Variants in NUMBL observed in about 807,000 individuals in gnomAD.
The protein encoded by NUMBL is numb-like protein.
A neutral mutation model predicts 48.9 loss-of-function variants in NUMBL; 20 were observed. That is an observed-to-expected ratio of 0.41 (90% CI 0.29 to 0.59). The LOEUF (loss-of-function observed/expected upper bound fraction) is 0.59. Ranked by LOEUF, NUMBL falls within the 20% of genes least tolerant of loss-of-function variation. The pLI is 0.31. For missense variants in NUMBL, 660 were observed against 846.2 expected (o/e 0.78, Z 2.73); for synonymous variants, 340 against 348.7 (o/e 0.98, Z 0.28).
intron 8 of NUMBL, among the ~76,000 whole-genome samples, chr19:40,672,165 C>T (rs2081851719): frequency 6.6e-6 from 1 of 152,218 alleles, no homozygotes. Flanking sequence ...CAGGCATGAG[C>T]CACTGCACTT....
Position 40,677,339 on chromosome 19 carries a change from A to ACCCTTCCTTCTT in NUMBL, c.622_623insAAGAAGGAAGGG (p.Gly207_Val208insGluGluGlyArg). 6.2e-6 allele frequency: 10 copies of ACCCTTCCTTCTT among 1,612,184 alleles called. No individual in the cohort carries two copies. Among genetic ancestry groups the ACCCTTCCTTCTT allele is most frequent in the Non-Finnish European group, 7.6e-6 (9 of 1,179,916 alleles). On this transcript the variant is annotated inframe_insertion, in exon 7 of 10. Transcript: ENST00000252891. ...GCGGCTGGCATCGAAGGCGGCCGTGACCCCACATTCCTTCTCCCGTCGCTG... is the reference window on the plus strand; with the variant it reads ...GCGGCTGGCATCGAAGGCGGCCGTGACCCTTCCTTCTTCCCCACATTCCTTCTCCCGTCGCTG...
rs543463869 is a variant in NUMBL at position 40,667,736 on chromosome 19, C to A, written c.1562G>T (p.Cys521Phe). The change falls in exon 10 of 10, where the codon TGC becomes TTC. Residue 521 changes from cysteine (C) to phenylalanine (F), a missense_variant. Physicochemically the swap from Cys to Phe is radical, Grantham distance 205. Transcript: ENST00000252891. This position sits in a 1 kb window ranked among gnomAD's most constrained non-coding sequence, Gnocchi z 6.1. ...TPSQMVANAF[C>F]SAAQLQPQPA... The stretch of plus-strand genomic sequence containing the variant: ...CTGAGGCTGGAGCTGGGCGGCTGAG[C>A]AGAAGGCGTTTGCCACCATCTGTGA... 27 of 1,577,034 alleles carry A rather than the reference C, an allele frequency of 1.7e-5. No homozygotes were observed. The highest frequency in any genetic ancestry group is 2.2e-5 in the Non-Finnish European group (26 of 1,162,270).
intron 5 of NUMBL, among the ~76,000 whole-genome samples, 153 bp from the exon 6 acceptor site, chr19:40,681,210 C>T (rs1374706448): frequency 2.0e-5 from 3 of 152,130 alleles, no homozygotes; most frequent in African/African-American, 7.2e-5. Context: ...AGAGGGCTCC[C>T]AGGTCAGCGG....
At chr19:40,675,303 G>A (rs547801094) in intron 7 of NUMBL, among the ~76,000 whole-genome samples, 5 of 151,808 alleles carry the variant, frequency 3.3e-5, no homozygotes, top group East Asian at 1.9e-4. Context: ...CCTGGGTGAC[G>A]GAGAGAGACT....
intron 8 of NUMBL, among the ~76,000 whole-genome samples, chr19:40,670,612 A>T (rs2081842477): frequency 6.6e-6 from 1 of 152,242 alleles, no homozygotes; most frequent in African/African-American, 2.4e-5. Context: ...GTGGTGTGTG[A>T]CACATGTCTG....
At chr19:40,676,763 G>GGTGC (rs1437686218) in intron 7 of NUMBL, among the ~76,000 whole-genome samples, 1 of 151,714 alleles carries the variant, frequency 6.6e-6, no homozygotes, top group Non-Finnish European at 1.5e-5. Context: ...TAAACCACTT[G>GGTGC]GTGCGCCCTT....
intron 8 of NUMBL, among the ~76,000 whole-genome samples, chr19:40,670,474 C>A (rs2081841406): frequency 6.6e-6 from 1 of 152,018 alleles, no homozygotes; most frequent in African/African-American, 2.4e-5. Context: ...TGATCTATGG[C>A]AAACATCATG....
rs1188525994 is a variant in NUMBL at position 40,677,436 on chromosome 19, T to C, written c.541-15A>G. The stretch of plus-strand genomic sequence containing the variant: ...AGCCTCTCGCCCTATGGGGAGAGGA[T>C]GGGCGGGGGGGTTAGAGGCGCTGGG... On this transcript the variant is annotated splice_polypyrimidine_tract_variant and intron_variant, in intron 6 of 9. Transcript: ENST00000252891. The C allele has an allele frequency of 1.2e-5, 19 of 1,602,610 alleles. No homozygotes were observed. The highest frequency in any genetic ancestry group is 1.6e-5 in the Non-Finnish European group (19 of 1,177,990).
At chr19:40,685,896 G>A (rs1451034628) in intron 2 of NUMBL, 1 of 153,086 alleles carries the variant, frequency 6.5e-6, no homozygotes, top group African/African-American at 2.4e-5. Context: ...GGGTGTATCT[G>A]TGTGCAGTGG....
intron 1 of NUMBL, 117 bp downstream of exon 1, chr19:40,690,343 A>T: frequency 1.8e-6 from 1 of 563,510 alleles, no homozygotes; most frequent in Non-Finnish European, 2.6e-6. Flanking sequence ...ACCCGGGACC[A>T]CCCTCTCCAG....
In NUMBL at chr19:40,677,272, A is replaced by C. The variant is rs2081881374; in HGVS notation, c.690T>G (p.Gly230=). Reference sequence around the variant, plus strand: ...GGGCCTCTCGCTCAGCAGGCCGCCCACCCCCAGACAGGCGGAAGGAGCCCT... The same window carrying C: ...GGGCCTCTCGCTCAGCAGGCCGCCCCCCCCCAGACAGGCGGAAGGAGCCCT... ...AREGSFRLSG[G]GRPAEREAPD... is the part of the protein sequence containing the mutation. The change falls in exon 7 of 10, where the codon GGT becomes GGG. Residue 230 remains glycine, a synonymous_variant. Transcript: ENST00000252891. 2 of 1,597,736 alleles carry C rather than the reference A, an allele frequency of 1.3e-6. No individual in the cohort carries two copies. Among genetic ancestry groups the C allele is most frequent in the Non-Finnish European group, 1.7e-6 (2 of 1,172,990 alleles).
chr19:40,673,584 G>A lies in NUMBL; in HGVS notation c.796C>T (p.Pro266Ser), dbSNP rs1224182967. The change falls in exon 8 of 10, where the codon CCA becomes TCA. Residue 266 changes from proline (P) to serine (S), a missense_variant. Pro to Ser is a moderately conservative substitution (Grantham distance 74, BLOSUM62 -1). This residue lies in a region of NUMBL where 278 missense variants were observed against 420.6 expected (regional missense o/e 0.66). Coordinates refer to ENST00000252891, the MANE Select transcript of NUMBL (RefSeq NM_004756.5). This position sits in a 1 kb window ranked among gnomAD's most constrained non-coding sequence, Gnocchi z 5.9. Reference protein sequence around the residue: ...PAQPGHVSPTPATTSPGEKGE... With the variant: ...PAQPGHVSPTSATTSPGEKGE... Reference sequence around the variant, plus strand: ...TTCTCACCAGGGGATGTGGTGGCTGGTGTCGGGGACACGTGCCCAGGCTGG... The same window carrying A: ...TTCTCACCAGGGGATGTGGTGGCTGATGTCGGGGACACGTGCCCAGGCTGG... 1.9e-6 allele frequency: 3 copies of A among 1,541,336 alleles called. No homozygotes were observed. The highest frequency in any genetic ancestry group is 4.0e-5 in the Admixed American group (2 of 50,500).
chr19:40,667,853 G>T lies in NUMBL; in HGVS notation c.1445C>A (p.Pro482Gln), dbSNP rs776887087. ...AAAAGGGGGCTGCATGTGTGGGGGT[G>T]GCAGGAACACGGCCACTTGGGCAGG... Reference protein sequence around the residue: ...AAPAQVAVFLPPPHMQPPFVP... With the variant: ...AAPAQVAVFLQPPHMQPPFVP... The change falls in exon 10 of 10, where the codon CCA (proline) becomes CAA (glutamine). Residue 482 changes from proline to glutamine, a missense_variant. By Grantham distance (76) the Pro-to-Gln change is moderately conservative (BLOSUM62 -1). Around this residue, in one of 3 missense-constraint regions of NUMBL, gnomAD observed 296 missense variants for 339.7 expected, o/e 0.87. Transcript: ENST00000252891. This position sits in a 1 kb window ranked among gnomAD's most constrained non-coding sequence, Gnocchi z 6.1. 2.5e-6 allele frequency: 4 copies of T among 1,590,846 alleles called. No individual in the cohort carries two copies. The highest frequency in any genetic ancestry group is 3.4e-6 in the Non-Finnish European group (4 of 1,168,884).
In NUMBL at chr19:40,684,558, TG is replaced by T; in HGVS notation, c.110-3del. The T allele has an allele frequency of 6.2e-7, 1 of 1,605,544 alleles. No individual in the cohort carries two copies. The highest frequency in any genetic ancestry group is 1.1e-5 in the South Asian group (1 of 90,170). The stretch of plus-strand genomic sequence containing the variant: ...ACTTGTTCATGGTGCCCGCCCCGTC[TG>T]GTGACACAGGACAGTGATGTGGGTC... On this transcript the variant is annotated splice_polypyrimidine_tract_variant and splice_region_variant and intron_variant, in intron 2 of 9. Coordinates refer to ENST00000252891, the MANE Select transcript of NUMBL (RefSeq NM_004756.5).
At chr19:40,668,171 G>A in intron 9 of NUMBL, 33 bp from the exon 10 acceptor site, 1 of 1,548,510 alleles carries the variant, frequency 6.5e-7, no homozygotes, top group African/African-American at 1.4e-5. Context: ...TGAGGGAGGG[G>A]GCAACGGCTT....
At chr19:40,674,228 T>C (rs1332388906) in intron 7 of NUMBL, among the ~76,000 whole-genome samples, 1 of 152,060 alleles carries the variant, frequency 6.6e-6, no homozygotes, top group African/African-American at 2.4e-5. Context: ...CATGTTGTCT[T>C]TCTCTGTCAC....
In NUMBL at chr19:40,684,438, G is replaced by T; in HGVS notation, c.228C>A (p.Gly76=). 1 of 1,574,000 alleles carries T rather than the reference G, an allele frequency of 6.4e-7. No homozygotes were observed. ...WQADEDAVRK[G]TCSFPVRYLG... is the part of the protein sequence containing the mutation. The stretch of plus-strand genomic sequence containing the variant: ...TCACCCTGACCGGGAAGCTGCACGT[G>T]CCCTTCCGCACCGCGTCCTCGTCTG... Residue 76 remains glycine (G), a synonymous_variant, in exon 3 of 10, where the codon GGC becomes GGA. Coordinates refer to ENST00000252891, the MANE Select transcript of NUMBL (RefSeq NM_004756.5).
chr19:40,669,244 T>G (rs11083565), intron 9 of NUMBL, among the ~76,000 whole-genome samples: 1 of 151,934 alleles, frequency 6.6e-6, no homozygotes, highest in Admixed American at 6.6e-5. Flanking sequence ...GGTGATCCTA[T>G]GGCTCTAAGA....
chr19:40,685,758 A>G (rs1351066145), intron 2 of NUMBL: 1 of 153,312 alleles, frequency 6.5e-6, no homozygotes, highest in Non-Finnish European at 1.5e-5. Flanking sequence ...GTCTGTGATG[A>G]CATTGCCTCG....
Sources: gnomAD v4.1 joint callset for allele counts (sites outside exome capture counted in the v4.1 genomes callset) on GRCh38, gnomAD v4.1.1 for gene constraint, gnomAD v4.1.1 regional missense constraint, Gnocchi (gnomAD v3.1) non-coding constraint, MANE v1.5 for transcripts, NCBI Gene and HGNC (gene_info 2026-07-23, HGNC 2026-07-21) for gene names.